NUBP1: variants seen among roughly 807,000 people sequenced by gnomAD.
The protein encoded by NUBP1 is cytosolic Fe-S cluster assembly factor NUBP1.
In NUBP1, 46 loss-of-function variants were observed where a neutral mutation model predicts 41.8. The ratio of observed to expected loss-of-function variants is 1.10; its 90% CI spans 0.87 to 1.41. NUBP1 has a LOEUF of 1.41. NUBP1 is among the 40% of genes most tolerant of loss of function. NUBP1 has a pLI of 0.00. For synonymous variants in NUBP1, 189 were observed against 154.6 expected (o/e 1.22, Z -1.65); for missense variants, 494 against 414.0 (o/e 1.19, Z -1.68).
At chr16:10,753,585 A>C (rs1199847734) in intron 4 of NUBP1, among the ~76,000 whole-genome samples, 1 of 151,990 alleles carries the variant, frequency 6.6e-6, no homozygotes, top group African/African-American at 2.4e-5. Context: ...AATTAGTGCC[A>C]GGAATGCATT....
rs530910259 is a variant in NUBP1, at chr16:10,757,162, A to G, written c.451+382A>G. ...CAAAAACATAAAAAATTAGCCGAGC[A>G]TGGTGGCACGTACCTGTAATCCCAG... On this transcript the variant is annotated intron_variant, in intron 6 of 10. Transcript: ENST00000283027. The surrounding 1 kb of genome is among the most constrained non-coding windows in gnomAD (Gnocchi z 4.1). Among the ~76,000 whole-genome samples, 169 of 152,192 alleles carry G rather than the reference A, an allele frequency of 1.1e-3. 1 individual carries two copies. The highest frequency in any genetic ancestry group is 3.9e-3 in the African/African-American group (162 of 41,524).
chr16:10,754,232 T>TATTTA (rs1237346497), intron 4 of NUBP1, among the ~76,000 whole-genome samples: 3 of 151,394 alleles, frequency 2.0e-5, no homozygotes, highest in African/African-American at 4.9e-5. Context: ...TATTTTATTT[T>TATTTA]ATTTTATTTT....
At position 10,769,070 on chromosome 16, in the gene NUBP1, C is replaced by T; in HGVS notation, c.928C>T (p.His310Tyr). Reference protein sequence around the residue: ...IQRIQEFCNLHQSKEENLISS With the variant: ...IQRIQEFCNLYQSKEENLISS The stretch of plus-strand genomic sequence containing the variant: ...AGGAATCCAAGAGTTTTGTAATCTC[C>T]ATCAGTCAAAAGAAGAGAACCTCAT... The change falls in exon 11 of 11, where the codon CAT (histidine) becomes TAT (tyrosine). Residue 310 changes from histidine (H) to tyrosine (Y), a missense_variant. Transcript: ENST00000283027. 1.2e-6 allele frequency: 2 copies of T among 1,614,064 alleles called. No homozygotes were observed. Among genetic ancestry groups the T allele is most frequent in the Non-Finnish European group, 1.7e-6 (2 of 1,180,024 alleles).
At chr16:10,746,305 A>C (rs114197768) in intron 2 of NUBP1, among the ~76,000 whole-genome samples, 184 of 152,362 alleles carry the variant, frequency 1.2e-3, no homozygotes, top group African/African-American at 4.2e-3. Flanking sequence ...GCTGTCTATC[A>C]GAGTTTCTCA....
chr16:10,761,196 G>A (rs1490817681), intron 7 of NUBP1, 168 bp from the exon 8 acceptor site: 5 of 563,702 alleles, frequency 8.9e-6, no homozygotes, highest in Non-Finnish European at 1.6e-5. Context: ...GGGGATTACA[G>A]TTCGAGCTGA....
chr16:10,768,913 C>T lies in NUBP1; in HGVS notation c.905-134C>T. ...TCACTTTCAAAGACTCAGGGCATCACAGACACAGGTCTTTTTATGGAACTA... is the reference window on the plus strand; with the variant it reads ...TCACTTTCAAAGACTCAGGGCATCATAGACACAGGTCTTTTTATGGAACTA... On this transcript the variant is annotated intron_variant, in intron 10 of 10. Transcript: ENST00000283027. This position sits in a 1 kb window ranked among gnomAD's most constrained non-coding sequence, Gnocchi z 4.3. The T allele has an allele frequency of 1.4e-6, 1 of 739,142 alleles. No individual in the cohort carries two copies. The highest frequency in any genetic ancestry group is 2.3e-6 in the Non-Finnish European group (1 of 428,932). The allele number at this position is 739,142 out of a possible 1,614,324, so 45.8% of individuals were successfully genotyped here.
At chr16:10,746,165 G>A (rs1278976601) in intron 2 of NUBP1, among the ~76,000 whole-genome samples, 2 of 152,212 alleles carry the variant, frequency 1.3e-5, no homozygotes, top group Non-Finnish European at 1.5e-5. Flanking sequence ...GCAGTGTTGG[G>A]AGGTTTCCAG....
Position 10,768,197 on chromosome 16 carries a change from G to T in NUBP1, c.904+165G>T. 1 of 536,212 alleles carries T rather than the reference G, an allele frequency of 1.9e-6. No individual in the cohort carries two copies. The allele number at this position is 536,212 out of a possible 1,614,324, so 33.2% of individuals were successfully genotyped here. Reference sequence around the variant, plus strand: ...GTCCATGAGAAATCTCTCAATGTGTGAGTATTGTGAATTAATTCATAGTTT... The same window carrying T: ...GTCCATGAGAAATCTCTCAATGTGTTAGTATTGTGAATTAATTCATAGTTT... On this transcript the variant is annotated intron_variant, in intron 10 of 10. Transcript: ENST00000283027. The surrounding 1 kb of genome is among the most constrained non-coding windows in gnomAD (Gnocchi z 4.3).
intron 9 of NUBP1, among the ~76,000 whole-genome samples, chr16:10,762,397 T>C (rs1284884315): frequency 6.6e-6 from 1 of 152,168 alleles, no homozygotes; most frequent in Non-Finnish European, 1.5e-5. Flanking sequence ...TCCCAAGAGA[T>C]GCCCACTCCC....
At chr16:10,752,753 A>C in intron 4 of NUBP1, 75 bp downstream of exon 4, 1 of 1,208,792 alleles carries the variant, frequency 8.3e-7, no homozygotes, top group Non-Finnish European at 1.2e-6. Context: ...TCAAACCTCA[A>C]CAAAGAGGCA....
At position 10,749,126 on chromosome 16, in the gene NUBP1, T is replaced by TACACACACAC. The variant is rs58201009; in HGVS notation, c.258+1885_258+1894dup. ...GGATATAGATAGATACACAGACACA[T>TACACACACAC]ACACACACACACACACACACACACA... On this transcript the variant is annotated intron_variant, in intron 3 of 10. Transcript: ENST00000283027. This position sits in a 1 kb window ranked among gnomAD's most constrained non-coding sequence, Gnocchi z 4.1. Among the ~76,000 whole-genome samples the TACACACACAC allele has an allele frequency of 4.1e-5, 5 of 121,074 alleles. No individual in the cohort carries two copies. Among genetic ancestry groups the TACACACACAC allele is most frequent in the East Asian group, 2.4e-4 (1 of 4,138 alleles). The allele number at this position is 121,074 out of a possible 152,430, so 79.4% of individuals were successfully genotyped here. A position where few individuals can be genotyped will look rare whatever the true frequency, so the allele number is the denominator to read the frequency against.
At position 10,743,992 on chromosome 16, in the gene NUBP1, C is replaced by T; in HGVS notation, c.51C>T (p.Gly17=). The change falls in exon 2 of 11, where the codon GGC becomes GGT. Residue 17 remains glycine (G), a synonymous_variant. Transcript: ENST00000283027. ...DCPGADSAQA[G]RGASCQGCPN... ...CAGGGGCCGACAGCGCCCAGGCGGG[C>T]AGAGGGGCTTCATGTCAGGGATGCC... 1 of 1,582,496 alleles carries T rather than the reference C, an allele frequency of 6.3e-7. No homozygotes were observed. Among genetic ancestry groups the T allele is most frequent in the Non-Finnish European group, 8.5e-7 (1 of 1,169,884 alleles).
chr16:10,755,633 GTCT>G, intron 4 of NUBP1, 85 bp from the exon 5 acceptor site: 2 of 1,338,858 alleles, frequency 1.5e-6, no homozygotes, highest in Non-Finnish European at 2.1e-6. Context: ...AAAAACCATC[GTCT>G]TACTTTGTAC....
intron 7 of NUBP1, among the ~76,000 whole-genome samples, chr16:10,758,389 T>C (rs1900717573): frequency 6.6e-6 from 1 of 152,088 alleles, no homozygotes; most frequent in Non-Finnish European, 1.5e-5. Flanking sequence ...AGGAGGATCA[T>C]TTGAGCCTGG....
intron 2 of NUBP1, among the ~76,000 whole-genome samples, chr16:10,745,426 G>A (rs1484905956): frequency 6.6e-6 from 1 of 152,102 alleles, no homozygotes; most frequent in Non-Finnish European, 1.5e-5. Flanking sequence ...CTGCACTCCA[G>A]CCTGGGTGAC....
chr16:10,762,083 G>T (rs1021457665), intron 9 of NUBP1: 2 of 475,822 alleles, frequency 4.2e-6, no homozygotes, highest in Non-Finnish European at 3.8e-6. Context: ...CAGGCAGAGG[G>T]GTGAGGCCTG....
Position 10,744,238 on chromosome 16 carries a change from T to A in NUBP1, c.124+173T>A, listed in dbSNP as rs1006658799. Among the ~76,000 whole-genome samples, 39 of 151,184 alleles carry A rather than the reference T, an allele frequency of 2.6e-4. 1 individual carries two copies. The highest frequency in any genetic ancestry group is 2.4e-3 in the Admixed American group (37 of 15,206). On this transcript the variant is annotated intron_variant, in intron 2 of 10. Transcript: ENST00000283027. ...GGCGGGGCGTGGAAAGTGGGCAGGG[T>A]GAGGGCGGAGCTTGGAATGACTGAC...
At chr16:10,754,660 C>G (rs535477534) in intron 4 of NUBP1, among the ~76,000 whole-genome samples, 2 of 152,196 alleles carry the variant, frequency 1.3e-5, no homozygotes, top group African/African-American at 4.8e-5. Flanking sequence ...GATTAGGGGT[C>G]CTGTAAGGCT....
chr16:10,745,471 G>C (rs966287037), intron 2 of NUBP1, among the ~76,000 whole-genome samples: 1 of 151,914 alleles, frequency 6.6e-6, no homozygotes, highest in African/African-American at 2.4e-5. Flanking sequence ...AAAAAAAAAT[G>C]AAGAGAAAAA....
Sources: gnomAD v4.1 joint callset for allele counts (sites outside exome capture counted in the v4.1 genomes callset) on GRCh38, gnomAD v4.1.1 for gene constraint, Gnocchi (gnomAD v3.1) non-coding constraint, MANE v1.5 for transcripts, NCBI Gene and HGNC (gene_info 2026-07-23, HGNC 2026-07-21) for gene names.